The following SBF2 variants were observed in gnomAD, a reference collection of about 807,000 sequenced individuals.
SBF2 encodes the protein myotubularin-related protein 13.
In SBF2, 112 loss-of-function variants were observed where a neutral mutation model predicts 225.2. The ratio of observed to expected loss-of-function variants is 0.50; its 90% CI spans 0.43 to 0.58. SBF2 has a LOEUF of 0.58. Ranked by LOEUF, SBF2 falls within the 20% of genes least tolerant of loss-of-function variation. The probability of loss-of-function intolerance (pLI) is 0.00; values close to 1 mark genes in which losing one functional copy is unlikely to be tolerated. For synonymous variants in SBF2, 763 were observed against 773.3 expected, an observed-to-expected ratio of 0.99 and a Z score of 0.22; for missense variants, 1,996 against 2,206.2, an observed-to-expected ratio of 0.90 and a Z score of 1.91.
chr11:9,940,646 C>G (rs1865199218), intron 16 of SBF2, among the ~76,000 whole-genome samples: 1 of 151,992 alleles, frequency 6.6e-6, no homozygotes, highest in African/African-American at 2.4e-5. Context: ...ATTACTTGGC[C>G]TGAAAGATTT....
Position 9,992,979 on chromosome 11 carries a change from C to T in SBF2, c.1167+11G>A. ...TTTTTTGGACAGATACAATATAGTA[C>T]TCTATCTTACCTTGTGGAAATGTAT... On this transcript the variant is annotated intron_variant, in intron 11 of 39. Coordinates refer to ENST00000256190, the MANE Select transcript of SBF2 (RefSeq NM_030962.4). 4 of 1,552,292 alleles carry T rather than the reference C, an allele frequency of 2.6e-6. No individual in the cohort carries two copies. Among genetic ancestry groups the T allele is most frequent in the Non-Finnish European group, 2.7e-6 (3 of 1,126,278 alleles).
chr11:9,785,158 T>C lies in SBF2; in HGVS notation c.5198A>G (p.Tyr1733Cys), dbSNP rs1334739235. The stretch of plus-strand genomic sequence containing the variant: ...ATCATTCTTGGATGTATACTGGCTA[T>C]AGAGCGTGGCTGCTCTTCGCTCCAC... ...NGVERRAATL[Y>C]SQYTSKNDEN... The change falls in exon 37 of 40, where the codon TAT (tyrosine) becomes TGT (cysteine). Residue 1733 changes from tyrosine to cysteine, a missense_variant. Physicochemically the swap from Tyr to Cys is radical, Grantham distance 194. Transcript: ENST00000256190. 6 of 1,613,594 alleles carry C rather than the reference T, an allele frequency of 3.7e-6. No homozygotes were observed. The Admixed American group carries it at 5.0e-5, about 13-fold the overall frequency.
At chr11:10,214,174 G>A (rs1958040342) in intron 1 of SBF2, among the ~76,000 whole-genome samples, 1 of 152,130 alleles carries the variant, frequency 6.6e-6, no homozygotes, top group African/African-American at 2.4e-5. Flanking sequence ...ATCCTGTGCA[G>A]CAGCATTCTT....
intron 26 of SBF2, among the ~76,000 whole-genome samples, chr11:9,835,703 A>G (rs1855694840): frequency 6.8e-6 from 1 of 147,638 alleles, no homozygotes; most frequent in Non-Finnish European, 1.5e-5. Context: ...TTTGAATTCT[A>G]GATAAAGGGA....
intron 25 of SBF2, among the ~76,000 whole-genome samples, chr11:9,840,102 C>T (rs1349856928): frequency 6.6e-6 from 1 of 152,074 alleles, no homozygotes; most frequent in Non-Finnish European, 1.5e-5. Flanking sequence ...GGTGTGGCGG[C>T]AGGCACCTGT....
At chr11:9,823,800 G>A (rs932172470) in intron 28 of SBF2, among the ~76,000 whole-genome samples, 1 of 152,208 alleles carries the variant, frequency 6.6e-6, no homozygotes, top group Non-Finnish European at 1.5e-5. Flanking sequence ...AGCAGCTCTA[G>A]AGATCACAGA....
intron 2 of SBF2, among the ~76,000 whole-genome samples, chr11:10,118,838 T>TAC (rs1471024367): frequency 6.6e-6 from 1 of 151,572 alleles, no homozygotes; most frequent in Non-Finnish European, 1.5e-5. Context: ...ATCTCTAAAT[T>TAC]ACCTAAGGTT....
At chr11:10,077,645 AT>A (rs1471002141) in intron 2 of SBF2, among the ~76,000 whole-genome samples, 15 of 152,258 alleles carry the variant, frequency 9.9e-5, no homozygotes, top group African/African-American at 3.1e-4. Context: ...CTCAAGATGG[AT>A]TAAAGACTTA....
At chr11:9,903,478 C>T (rs1590385235) in intron 16 of SBF2, among the ~76,000 whole-genome samples, 1 of 152,138 alleles carries the variant, frequency 6.6e-6, no homozygotes, top group Non-Finnish European at 1.5e-5. Context: ...AATCCATATG[C>T]GTCTGCAGCA....
At chr11:9,967,965 C>A (rs61876985) in intron 14 of SBF2, among the ~76,000 whole-genome samples, 36 of 94,940 alleles carry the variant, frequency 3.8e-4, no homozygotes, top group African/African-American at 1.0e-3. Context: ...CTCTCTCTCT[C>A]TCTCTCTATA....
chr11:10,008,649 T>C (rs150869098), intron 6 of SBF2, among the ~76,000 whole-genome samples: 207 of 152,306 alleles, frequency 1.4e-3, no homozygotes, highest in African/African-American at 4.8e-3. Flanking sequence ...ATGGGACAGA[T>C]GGGAAAAAGC....
intron 14 of SBF2, among the ~76,000 whole-genome samples, chr11:9,967,920 T>TCTGC (rs1340545953): frequency 8.4e-6 from 1 of 118,404 alleles, no homozygotes. Context: ...AATCTGTCTG[T>TCTGC]CTGTCTGTCT....
At chr11:10,244,016 T>C (rs1324339699) in intron 1 of SBF2, among the ~76,000 whole-genome samples, 3 of 152,054 alleles carry the variant, frequency 2.0e-5, no homozygotes, top group East Asian at 3.8e-4. Flanking sequence ...TCCCTGAAAA[T>C]AGATGCAAAA....
chr11:9,979,522 T>C (rs180825094), intron 13 of SBF2, among the ~76,000 whole-genome samples: 18 of 152,350 alleles, frequency 1.2e-4, no homozygotes, highest in Admixed American at 1.2e-3. Context: ...ACCAGATTTC[T>C]TTTTTAAGTT....
At chr11:10,297,786 T>C (rs1253956929), upstream of SBF2, among the ~76,000 whole-genome samples, 5 of 152,266 alleles carry the variant, frequency 3.3e-5, no homozygotes, top group African/African-American at 1.2e-4. Flanking sequence ...CCTAGGTACA[T>C]GTAGAAAGGC....
In SBF2 at chr11:10,056,736, G is replaced by C. The variant is rs965660228; in HGVS notation, c.142-13755C>G. Among the ~76,000 whole-genome samples, 6 of 150,960 alleles carry C rather than the reference G, an allele frequency of 4.0e-5. No individual in the cohort carries two copies. In the South Asian group the frequency reaches 6.3e-4, roughly 16 times the overall value. On this transcript the variant is annotated intron_variant, in intron 2 of 39. Transcript: ENST00000256190. Reference sequence around the variant, plus strand: ...CCAACCAGGGCCTCCAGCCACCCTCGCCTGAGGTTTCCAGCCAACAGAGAA... The same window carrying C: ...CCAACCAGGGCCTCCAGCCACCCTCCCCTGAGGTTTCCAGCCAACAGAGAA...
At chr11:9,889,674 C>T (rs969868000) in intron 17 of SBF2, among the ~76,000 whole-genome samples, 9 of 152,100 alleles carry the variant, frequency 5.9e-5, no homozygotes, top group African/African-American at 1.9e-4. Flanking sequence ...GCAGTCTTAA[C>T]GAAATCTTCT....
intron 27 of SBF2, among the ~76,000 whole-genome samples, chr11:9,829,999 G>A (rs1049238589): frequency 6.6e-6 from 1 of 152,210 alleles, no homozygotes; most frequent in Non-Finnish European, 1.5e-5. Flanking sequence ...CCCACCAGGG[G>A]ACATGAGCCT....
rs560872525 is a variant in SBF2 at position 10,092,490 on chromosome 11, GAT to G, written c.142-49511_142-49510del. ...CTTTGACTTGCCTAAGACAGAATCT[GAT>G]TTTCCCATACGATTATCAGAAAGGA... On this transcript the variant is annotated intron_variant, in intron 2 of 39. Transcript: ENST00000256190. Among the ~76,000 whole-genome samples, 1,250 of 152,272 alleles carry G rather than the reference GAT, an allele frequency of 8.2e-3. 7 individuals are homozygous for G. Among genetic ancestry groups the G allele is most frequent in the South Asian group, 0.025 (121 of 4,824 alleles).
Sources: allele counts gnomAD v4.1 joint callset (sites outside exome capture counted in the v4.1 genomes callset), GRCh38; gene constraint gnomAD v4.1.1; transcripts MANE v1.5; gene names NCBI Gene and HGNC (gene_info 2026-07-23, HGNC 2026-07-21).